The following SLF1 variants were observed in gnomAD, a reference collection of about 807,000 sequenced individuals.
The protein encoded by SLF1 is SMC5-SMC6 complex localization factor protein 1.
A neutral mutation model predicts 123.0 loss-of-function variants in SLF1; 105 were observed. That is an observed-to-expected ratio of 0.85 (90% CI 0.73 to 1.00). SLF1 has a LOEUF of 1.00. SLF1 is among the 50% of genes least tolerant of loss of function. The pLI is 0.00. For missense variants in SLF1, 1,239 were observed against 1,223.0 expected (o/e 1.01, Z -0.20); for synonymous variants, 434 against 406.6 (o/e 1.07, Z -0.81).
At chr5:94,625,574 G>A (rs1006258738) in intron 1 of SLF1, among the ~76,000 whole-genome samples, 2 of 151,792 alleles carry the variant, frequency 1.3e-5, no homozygotes, top group African/African-American at 4.8e-5. Flanking sequence ...GTAGAGATGG[G>A]GTTTCACCAT....
chr5:94,651,697 C>A lies in SLF1; in HGVS notation c.739-5C>A, dbSNP rs536744531. 5.3e-6 allele frequency: 8 copies of A among 1,512,500 alleles called. No individual in the cohort carries two copies. The highest frequency in any genetic ancestry group is 4.2e-5 in the African/African-American group (3 of 70,854). The allele number at this position is 1,512,500 out of a possible 1,614,324, so 93.7% of individuals were successfully genotyped here. Reference sequence around the variant, plus strand: ...CTTAACTAAATTATGTTTACAAACACGCAGAAAGAAATGCAAAATCATGAA... The same window carrying A: ...CTTAACTAAATTATGTTTACAAACAAGCAGAAAGAAATGCAAAATCATGAA... On this transcript the variant is annotated splice_polypyrimidine_tract_variant and splice_region_variant and intron_variant, in intron 6 of 20. Transcript: ENST00000265140.
intron 9 of SLF1, among the ~76,000 whole-genome samples, chr5:94,655,695 A>G (rs977374829): frequency 4.6e-5 from 7 of 151,994 alleles, no homozygotes; most frequent in Middle Eastern, 3.4e-3. Flanking sequence ...TAGGTATTTT[A>G]TAATTTTTAG....
rs1414561855 is a variant in SLF1, at chr5:94,644,445, A to G, written c.594+1010A>G. On this transcript the variant is annotated intron_variant, in intron 5 of 20. Transcript: ENST00000265140. ...TCCTAAATCTCTAATACGGCTTACA[A>G]GTTCCCACAGGATTCCTGTCATTTC... 4.6e-5 allele frequency among the ~76,000 whole-genome samples: 7 copies of G among 152,288 alleles called. No individual in the cohort carries two copies. In the East Asian group the frequency reaches 5.8e-4, roughly 13 times the overall value.
At chr5:94,623,336 A>C (rs528838656) in intron 1 of SLF1, among the ~76,000 whole-genome samples, 4 of 152,302 alleles carry the variant, frequency 2.6e-5, no homozygotes, top group African/African-American at 9.6e-5. Context: ...GTTCAAGGTA[A>C]GTAACTAATT....
At chr5:94,687,676 A>C (rs913972866) in intron 16 of SLF1, among the ~76,000 whole-genome samples, 1 of 150,696 alleles carries the variant, frequency 6.6e-6, no homozygotes, top group Non-Finnish European at 1.5e-5. Flanking sequence ...TAGGTGGCAC[A>C]CTAAGACCCT....
rs764031689 is a variant in SLF1, at chr5:94,639,037, C to CTT, written c.432-4216_432-4215dup. Among the ~76,000 whole-genome samples the CTT allele has an allele frequency of 9.0e-3, 803 of 88,978 alleles. 59 individuals carry two copies. The highest frequency in any genetic ancestry group is 0.031 in the African/African-American group (637 of 20,274). The allele number at this position is 88,978 out of a possible 152,430, so 58.4% of individuals were successfully genotyped here. On this transcript the variant is annotated intron_variant, in intron 4 of 20. Transcript: ENST00000265140. Reference sequence around the variant, plus strand: ...TTTCTCATCTCTTTTCTTTTCTTCCCTTTTTTTTTTTTTTTTTTTTTGAGA... The same window carrying CTT: ...TTTCTCATCTCTTTTCTTTTCTTCCCTTTTTTTTTTTTTTTTTTTTTTTGAGA...
chr5:94,688,588 G>T lies in SLF1; in HGVS notation c.2204G>T (p.Arg735Leu), dbSNP rs190220523. ...KIQVSKKIGQRPCFDSQRTLL... is the reference protein window; with the variant it reads ...KIQVSKKIGQLPCFDSQRTLL... ...CAGGTGTCAAAGAAAATAGGACAGC[G>T]GCCTTGTTTTGACTCTCAGAGAACC... Residue 735 changes from arginine (R) to leucine (L), a missense_variant, in exon 17 of 21, where the codon CGG becomes CTG. By Grantham distance (102) the Arg-to-Leu change is moderately radical. Coordinates refer to ENST00000265140, the MANE Select transcript of SLF1 (RefSeq NM_032290.4). The T allele has an allele frequency of 1.9e-6, 3 of 1,613,898 alleles. No individual in the cohort carries two copies. The highest frequency in any genetic ancestry group is 2.2e-5 in the South Asian group (2 of 91,080).
At chr5:94,649,405 T>C (rs1266215835) in intron 5 of SLF1, 49 bp from the exon 6 acceptor site, 5 of 1,361,750 alleles carry the variant, frequency 3.7e-6, no homozygotes, top group Non-Finnish European at 4.8e-6. Flanking sequence ...GTACATAATA[T>C]TGAAAATACA....
chr5:94,665,711 C>T, intron 11 of SLF1, 150 bp from the exon 12 acceptor site: 1 of 666,908 alleles, frequency 1.5e-6, no homozygotes, highest in African/African-American at 1.8e-5. Flanking sequence ...CAAGATCGTG[C>T]CACTGCACTC....
intron 4 of SLF1, among the ~76,000 whole-genome samples, chr5:94,638,573 G>A (rs1366421760): frequency 6.6e-6 from 1 of 152,200 alleles, no homozygotes; most frequent in Admixed American, 6.5e-5. Context: ...TTCCTGAGAT[G>A]TATCTCAGAA....
At chr5:94,662,221 TC>T in intron 9 of SLF1, 76 bp from the exon 10 acceptor site, 1 of 1,272,188 alleles carries the variant, frequency 7.9e-7, no homozygotes, top group South Asian at 1.4e-5. Context: ...TATATGTTTT[TC>T]CAAGGTTTTG....
intron 10 of SLF1, 75 bp from the exon 11 acceptor site, chr5:94,663,675 T>G: frequency 3.5e-6 from 4 of 1,150,888 alleles, no homozygotes; most frequent in Non-Finnish European, 3.6e-6. Flanking sequence ...AAATAATAAA[T>G]TCTTACTAAT....
At chr5:94,635,302 G>A (rs1420516260) in intron 4 of SLF1, among the ~76,000 whole-genome samples, 1 of 142,692 alleles carries the variant, frequency 7.0e-6, no homozygotes, top group African/African-American at 2.6e-5. Flanking sequence ...GTCCTCAGAG[G>A]TGAAGTTGGT....
intron 4 of SLF1, among the ~76,000 whole-genome samples, chr5:94,631,940 A>T (rs560064486): frequency 6.7e-6 from 1 of 149,856 alleles, no homozygotes; most frequent in East Asian, 2.0e-4. Flanking sequence ...ACATGGCGAG[A>T]TGCTGTCTCT....
intron 15 of SLF1, among the ~76,000 whole-genome samples, chr5:94,683,008 C>G (rs527770583): frequency 4.7e-4 from 72 of 152,250 alleles, no homozygotes; most frequent in African/African-American, 1.6e-3. Context: ...TAAAAACAGG[C>G]AGCACACCAT....
intron 1 of SLF1, among the ~76,000 whole-genome samples, chr5:94,627,574 G>T (rs1314019065): frequency 1.0e-5 from 1 of 96,100 alleles, no homozygotes; most frequent in African/African-American, 4.0e-5. Flanking sequence ...CCTTGTAAAT[G>T]ATGAAATTAA....
At chr5:94,693,038 TGTC>T (rs1298237733) in intron 20 of SLF1, among the ~76,000 whole-genome samples, 1 of 152,166 alleles carries the variant, frequency 6.6e-6, no homozygotes, top group Non-Finnish European at 1.5e-5. Context: ...AGAAATTACT[TGTC>T]GTTTTTATTT....
chr5:94,657,134 T>G (rs1748498896), intron 9 of SLF1, among the ~76,000 whole-genome samples: 1 of 151,540 alleles, frequency 6.6e-6, no homozygotes, highest in Non-Finnish European at 1.5e-5. Flanking sequence ...GGTGCATTGT[T>G]AAGTTGATTA....
In SLF1 at chr5:94,677,863, T is replaced by A. The variant is rs1751267413; in HGVS notation, c.1828-945T>A. On this transcript the variant is annotated intron_variant, in intron 14 of 20. Coordinates refer to ENST00000265140, the MANE Select transcript of SLF1 (RefSeq NM_032290.4). ...ACGCTTAGAAGGTTTGTATGCCTTG[T>A]TACATTTCTTATAAGAATTTAATGA... Among the ~76,000 whole-genome samples, 3 of 152,194 alleles carry A rather than the reference T, an allele frequency of 2.0e-5. No homozygotes were observed. In the South Asian group the frequency reaches 6.2e-4, roughly 31 times the overall value.
Sources: allele counts gnomAD v4.1 joint callset (sites outside exome capture counted in the v4.1 genomes callset), GRCh38; gene constraint gnomAD v4.1.1; transcripts MANE v1.5; gene names NCBI Gene and HGNC (gene_info 2026-07-23, HGNC 2026-07-21).